Variants in GRHL2 observed in about 807,000 individuals in gnomAD.
GRHL2 encodes grainyhead like transcription factor 2.
Under a neutral mutation model 83.8 loss-of-function variants are expected in GRHL2, and 21 were observed. The observed-to-expected ratio is 0.25, with a 90% CI of 0.18 to 0.36. GRHL2 has a LOEUF of 0.36. Ranked by LOEUF, GRHL2 falls within the 10% of genes least tolerant of loss-of-function variation. The pLI, the probability that GRHL2 is intolerant of heterozygous loss-of-function variation, is 1.00. For missense variants in GRHL2, 623 were observed against 781.8 expected (o/e 0.80, Z 2.42); for synonymous variants, 280 against 278.9 (o/e 1.00, Z -0.04).
intron 7 of GRHL2, among the ~76,000 whole-genome samples, chr8:101,578,048 G>A (rs1415498108): frequency 1.3e-5 from 2 of 152,192 alleles, no homozygotes; most frequent in African/African-American, 4.8e-5. Context: ...CCAGGAGTCT[G>A]TGTACCCCTA....
chr8:101,623,909 GACAGTACACAGTAGA>G (rs912784042), intron 9 of GRHL2, among the ~76,000 whole-genome samples: 2 of 145,926 alleles, frequency 1.4e-5, no homozygotes, highest in African/African-American at 5.1e-5. Flanking sequence ...TACACAGTAG[GACAGTACACAGTAGA>G]ACAGGTCACA....
intron 1 of GRHL2, among the ~76,000 whole-genome samples, chr8:101,532,373 A>C (rs1485538263): frequency 5.3e-5 from 8 of 152,210 alleles, no homozygotes; most frequent in Admixed American, 5.2e-4. Flanking sequence ...GTGATTACTT[A>C]AGTCAGTAAT....
chr8:101,517,717 A>G (rs990509187), intron 1 of GRHL2, among the ~76,000 whole-genome samples: 1 of 150,832 alleles, frequency 6.6e-6, no homozygotes, highest in African/African-American at 2.4e-5. Flanking sequence ...TTTTTTCTTC[A>G]GACTTTCATG....
chr8:101,626,525 G>A (rs1813083245), intron 9 of GRHL2, among the ~76,000 whole-genome samples: 1 of 151,970 alleles, frequency 6.6e-6, no homozygotes, highest in African/African-American at 2.4e-5. Context: ...GTGGAAATAC[G>A]GAGAAATAAA....
chr8:101,654,104 A>G (rs976489648), intron 14 of GRHL2, among the ~76,000 whole-genome samples: 1 of 152,196 alleles, frequency 6.6e-6, no homozygotes, highest in Non-Finnish European at 1.5e-5. Flanking sequence ...CTAGGCTACC[A>G]CCTTCATCAA....
chr8:101,608,076 A>C (rs1367014039), intron 8 of GRHL2, among the ~76,000 whole-genome samples: 1 of 152,268 alleles, frequency 6.6e-6, no homozygotes, highest in African/African-American at 2.4e-5. Flanking sequence ...GTGTGTACAC[A>C]ATGACTAATA....
At chr8:101,624,628 C>T (rs1241896334) in intron 9 of GRHL2, among the ~76,000 whole-genome samples, 1 of 103,740 alleles carries the variant, frequency 9.6e-6, no homozygotes, top group East Asian at 3.0e-4. Flanking sequence ...TTACAGTACA[C>T]AGTAGGACAG....
intron 14 of GRHL2, among the ~76,000 whole-genome samples, chr8:101,656,869 A>ACACACACACACACACAC (rs1813799855): frequency 1.8e-5 from 1 of 55,360 alleles, no homozygotes; most frequent in South Asian, 9.2e-4. Context: ...TTATGTGTCT[A>ACACACACACACACACAC]ACAGACACAC....
chr8:101,583,347 G>C (rs1220838290), intron 7 of GRHL2, among the ~76,000 whole-genome samples: 1 of 152,228 alleles, frequency 6.6e-6, no homozygotes, highest in Non-Finnish European at 1.5e-5. Context: ...GTTAACCCAG[G>C]AGTGAGAGAC....
At chr8:101,604,152 T>G (rs955337077) in intron 8 of GRHL2, among the ~76,000 whole-genome samples, 29 of 152,142 alleles carry the variant, frequency 1.9e-4, no homozygotes, top group Admixed American at 1.3e-4. Flanking sequence ...GTCATATTCT[T>G]TCACATGACT....
intron 1 of GRHL2, among the ~76,000 whole-genome samples, chr8:101,502,903 A>G (rs941816749): frequency 1.4e-4 from 21 of 152,034 alleles, no homozygotes; most frequent in African/African-American, 5.1e-4. Flanking sequence ...TAATTCACAG[A>G]CACCCACTGT....
At chr8:101,550,501 C>A (rs1238477898) in intron 2 of GRHL2, among the ~76,000 whole-genome samples, 1 of 152,144 alleles carries the variant, frequency 6.6e-6, no homozygotes, top group Non-Finnish European at 1.5e-5. Context: ...CCAGCTCCAC[C>A]CATCTTGCTG....
chr8:101,655,988 G>A (rs1250938868), intron 14 of GRHL2, among the ~76,000 whole-genome samples: 4 of 152,194 alleles, frequency 2.6e-5, no homozygotes, highest in Non-Finnish European at 5.9e-5. Context: ...TGCCTGAAAT[G>A]TCCTTCCTCC....
chr8:101,649,097 C>G (rs1813569734), intron 13 of GRHL2, among the ~76,000 whole-genome samples: 1 of 152,164 alleles, frequency 6.6e-6, no homozygotes, highest in African/African-American at 2.4e-5. Flanking sequence ...ACAAATAACA[C>G]AGAGGAAAAG....
intron 2 of GRHL2, among the ~76,000 whole-genome samples, chr8:101,546,118 G>T (rs978147270): frequency 4.6e-5 from 7 of 151,996 alleles, no homozygotes; most frequent in Admixed American, 4.6e-4. Context: ...TTGACCTCGT[G>T]ATCTGCCCTC....
chr8:101,586,445 A>T (rs1812173322), intron 7 of GRHL2, among the ~76,000 whole-genome samples: 1 of 152,190 alleles, frequency 6.6e-6, no homozygotes, highest in East Asian at 1.9e-4. Context: ...TTCACCTGGA[A>T]GACATCTCAC....
At chr8:101,606,137 T>C (rs1406729574) in intron 8 of GRHL2, among the ~76,000 whole-genome samples, 1 of 152,218 alleles carries the variant, frequency 6.6e-6, no homozygotes. Flanking sequence ...GCTCTACATG[T>C]GCAACTTAAG....
Position 101,508,180 on chromosome 8 carries a change from G to A in GRHL2, c.20+15391G>A, listed in dbSNP as rs114923020. On this transcript the variant is annotated intron_variant, in intron 1 of 15. Transcript: ENST00000646743. ...ATAGAAATTCCTAATCAAAAGGTAC[G>A]CACTTTTTGAAGACATTTGGTTCAT... Among the ~76,000 whole-genome samples, 188 of 152,110 alleles carry A rather than the reference G, an allele frequency of 1.2e-3. 1 individual carries two copies. The highest frequency in any genetic ancestry group is 4.3e-3 in the African/African-American group (180 of 41,486).
In GRHL2 at chr8:101,571,021, C is replaced by CT. The variant is rs1273537053; in HGVS notation, c.734+627_734+628insT. ...GCACTCAGGTGCCTTCCATGTGCAGCAGTGTGAGTAGGGTTGGGGATAAGA... is the reference window on the plus strand; with the variant it reads ...GCACTCAGGTGCCTTCCATGTGCAGCTAGTGTGAGTAGGGTTGGGGATAAGA... On this transcript the variant is annotated intron_variant, in intron 5 of 15. Transcript: ENST00000646743. Among the ~76,000 whole-genome samples the CT allele has an allele frequency of 5.3e-5, 8 of 152,336 alleles. No homozygotes were observed. The South Asian group carries it at 1.7e-3, about 32-fold the overall frequency.
Sources: allele counts gnomAD v4.1 joint callset (sites outside exome capture counted in the v4.1 genomes callset), GRCh38; gene constraint gnomAD v4.1.1; transcripts MANE v1.5; gene names NCBI Gene and HGNC (gene_info 2026-07-23, HGNC 2026-07-21).